The following PRDM16 variants were observed in gnomAD, a reference collection of about 807,000 sequenced individuals.
PRDM16 encodes PR/SET domain 16.
PRDM16 carries 23 observed loss-of-function variants against 110.6 expected under a neutral mutation model. The observed-to-expected ratio is 0.21, with a 90% CI of 0.15 to 0.29. The LOEUF is 0.29. Ranked by LOEUF, PRDM16 falls within the 10% of genes least tolerant of loss-of-function variation. The pLI, the probability that PRDM16 is intolerant of heterozygous loss-of-function variation, is 1.00. For synonymous variants in PRDM16, 799 were observed against 781.8 expected, an observed-to-expected ratio of 1.02 and a Z score of -0.37; for missense variants, 1,615 against 1,794.3, an observed-to-expected ratio of 0.90 and a Z score of 1.81.
At chr1:3,278,245 T>C (rs1256422982) in intron 3 of PRDM16, among the ~76,000 whole-genome samples, 2 of 152,160 alleles carry the variant, frequency 1.3e-5, no homozygotes, top group Non-Finnish European at 2.9e-5. Flanking sequence ...CTGCATCTCC[T>C]CCAGCATCCC....
At chr1:3,432,696 A>G (rs1490440968) in intron 16 of PRDM16, among the ~76,000 whole-genome samples, 1 of 152,198 alleles carries the variant, frequency 6.6e-6, no homozygotes, top group Admixed American at 6.5e-5. Flanking sequence ...TCAGCACTCT[A>G]CAGCCCTCCC....
intron 1 of PRDM16, among the ~76,000 whole-genome samples, chr1:3,070,168 C>A (rs946666137): frequency 3.3e-5 from 5 of 151,974 alleles, no homozygotes; most frequent in African/African-American, 9.6e-5. Context: ...CCGGGCCCGG[C>A]GGGGACAGAG....
intron 1 of PRDM16, among the ~76,000 whole-genome samples, chr1:3,147,286 T>C (rs905624494): frequency 1.1e-4 from 16 of 152,020 alleles, no homozygotes; most frequent in Non-Finnish European, 2.2e-4. Flanking sequence ...TGGATAATTC[T>C]GGACTTAGAA....
rs1345159276 is a variant in PRDM16 at position 3,349,849 on chromosome 1, T to TCCGCAGCCC, written c.439-35294_439-35286dup. On this transcript the variant is annotated intron_variant, in intron 3 of 16. Coordinates refer to ENST00000270722, the MANE Select transcript of PRDM16 (RefSeq NM_022114.4). ...ATTGAGGAGCCTCCAGCCCTCAGCC[T>TCCGCAGCCC]CCGCAGCCCCCGCAGCCTCCAAAGC... is the stretch of plus-strand genomic sequence containing the variant. 3.3e-5 allele frequency among the ~76,000 whole-genome samples: 5 copies of TCCGCAGCCC among 152,304 alleles called. No homozygotes were observed. The South Asian group carries it at 1.0e-3, about 32-fold the overall frequency.
intron 1 of PRDM16, among the ~76,000 whole-genome samples, chr1:3,178,351 G>A (rs1175904833): frequency 3.9e-5 from 6 of 152,094 alleles, no homozygotes; most frequent in African/African-American, 1.2e-4. Context: ...GCAGGCTTCC[G>A]TCTGCCTCCC....
chr1:3,166,630 C>T (rs1457870238), intron 1 of PRDM16, among the ~76,000 whole-genome samples: 1 of 152,228 alleles, frequency 6.6e-6, no homozygotes, highest in East Asian at 1.9e-4. Flanking sequence ...CTCATCTGCA[C>T]ACTGGCCCTG....
At chr1:3,173,630 G>A (rs1644053528) in intron 1 of PRDM16, among the ~76,000 whole-genome samples, 1 of 152,122 alleles carries the variant, frequency 6.6e-6, no homozygotes, top group African/African-American at 2.4e-5. Context: ...AGCGCAGCCA[G>A]GCCCACCCGC....
At chr1:3,146,521 T>A (rs1227579806) in intron 1 of PRDM16, among the ~76,000 whole-genome samples, 1 of 147,428 alleles carries the variant, frequency 6.8e-6, no homozygotes, top group Non-Finnish European at 1.5e-5. Context: ...GTGTGCTCGG[T>A]GTGGGGTGTG....
intron 2 of PRDM16, among the ~76,000 whole-genome samples, chr1:3,228,566 G>A (rs1327676593): frequency 6.6e-6 from 1 of 152,194 alleles, no homozygotes; most frequent in Non-Finnish European, 1.5e-5. Context: ...GCATAAAGTT[G>A]AATGAGGGCT....
intron 2 of PRDM16, chr1:3,238,132 C>T (rs1229002709): frequency 6.6e-6 from 1 of 152,388 alleles, no homozygotes; most frequent in East Asian, 1.9e-4. Flanking sequence ...GTCGCACAGC[C>T]CTGCGGGGTT....
At chr1:3,137,965 G>A (rs1050418294) in intron 1 of PRDM16, among the ~76,000 whole-genome samples, 2 of 152,222 alleles carry the variant, frequency 1.3e-5, no homozygotes, top group Non-Finnish European at 2.9e-5. Context: ...GACTGTGGCT[G>A]GAGGGTCCGT....
chr1:3,199,357 C>G (rs774557283), intron 2 of PRDM16, among the ~76,000 whole-genome samples: 8 of 152,214 alleles, frequency 5.3e-5, no homozygotes, highest in Admixed American at 3.3e-4. Context: ...GCTGGAAATA[C>G]GTGAACATAA....
intron 3 of PRDM16, among the ~76,000 whole-genome samples, chr1:3,331,386 C>T (rs1305765835): frequency 2.6e-5 from 4 of 152,154 alleles, no homozygotes; most frequent in African/African-American, 9.7e-5. Flanking sequence ...CTGCAGAGAA[C>T]ACAGCCCACC....
rs568097564 is a variant in PRDM16, at chr1:3,412,477, C to T, written c.2280C>T (p.Asp760=). ...AGGCCGAGCCAAAGTCACCCCGGGA[C>T]GCCCTCAAGGTGGGCGGCCCCAGTG... The part of the protein sequence containing the change: ...LVKAEPKSPR[D]ALKVGGPSAE... The change falls in exon 9 of 17, where the codon GAC becomes GAT. Residue 760 remains aspartate, a synonymous_variant. Transcript: ENST00000270722. 22 of 1,613,486 alleles carry T rather than the reference C, an allele frequency of 1.4e-5. No individual in the cohort carries two copies. The highest frequency in any genetic ancestry group is 1.6e-4 in the Middle Eastern group (1 of 6,062).
At chr1:3,072,100 G>T (rs907214167) in intron 1 of PRDM16, among the ~76,000 whole-genome samples, 1 of 152,112 alleles carries the variant, frequency 6.6e-6, no homozygotes, top group Non-Finnish European at 1.5e-5. Flanking sequence ...TGGGGGCCAG[G>T]AACAGAGTGA....
chr1:3,364,695 G>T (rs952407003), intron 3 of PRDM16, among the ~76,000 whole-genome samples: 1 of 152,226 alleles, frequency 6.6e-6, no homozygotes, highest in African/African-American at 2.4e-5. Flanking sequence ...CCACTCAGCT[G>T]CGCGGGGGAC....
intron 2 of PRDM16, among the ~76,000 whole-genome samples, chr1:3,230,270 T>G (rs1223545042): frequency 6.6e-6 from 1 of 152,192 alleles, no homozygotes; most frequent in East Asian, 1.9e-4. Context: ...ATGGCCGTTC[T>G]AGATTCCTGG....
At chr1:3,349,898 C>T (rs775989210) in intron 3 of PRDM16, among the ~76,000 whole-genome samples, 1 of 152,208 alleles carries the variant, frequency 6.6e-6, no homozygotes, top group Non-Finnish European at 1.5e-5. Context: ...TGCTCAGGCG[C>T]CCTCTGCCGT....
chr1:3,139,727 C>T (rs187131430), intron 1 of PRDM16, among the ~76,000 whole-genome samples: 5 of 152,352 alleles, frequency 3.3e-5, no homozygotes, highest in Admixed American at 1.3e-4. Flanking sequence ...GGCGTCACCT[C>T]GGAAGCCCAT....
Sources: gnomAD v4.1 joint callset for allele counts (sites outside exome capture counted in the v4.1 genomes callset) on GRCh38, gnomAD v4.1.1 for gene constraint, MANE v1.5 for transcripts, NCBI Gene and HGNC (gene_info 2026-07-23, HGNC 2026-07-21) for gene names.